TLL2: variants seen among roughly 807,000 people sequenced by gnomAD.
The protein encoded by TLL2 is tolloid like 2, also known as tolloid-like protein 2.
A neutral mutation model predicts 123.0 loss-of-function variants in TLL2; 106 were observed. The observed-to-expected ratio is 0.86, with a 90% CI of 0.74 to 1.01. The LOEUF (loss-of-function observed/expected upper bound fraction) is 1.01, where lower values mean the gene tolerates loss of function less well. Ranked by LOEUF, TLL2 falls within the 50% of genes least tolerant of loss-of-function variation. The pLI is 0.00. For missense variants in TLL2, 1,332 were observed against 1,336.7 expected (o/e 1.00, Z 0.06); for synonymous variants, 494 against 516.8 (o/e 0.96, Z 0.60).
intron 1 of TLL2, among the ~76,000 whole-genome samples, chr10:96,485,880 T>C (rs1001828510): frequency 6.6e-6 from 1 of 152,044 alleles, no homozygotes; most frequent in Non-Finnish European, 1.5e-5. Flanking sequence ...GCGCCATTTT[T>C]CCCCCAAAGA....
At chr10:96,388,975 C>T (rs1846261158) in intron 13 of TLL2, among the ~76,000 whole-genome samples, 1 of 152,196 alleles carries the variant, frequency 6.6e-6, no homozygotes, top group Non-Finnish European at 1.5e-5. Flanking sequence ...TGCCCATCGC[C>T]TCAAATAAAT....
intron 2 of TLL2, among the ~76,000 whole-genome samples, chr10:96,468,613 A>G (rs971996658): frequency 6.6e-6 from 1 of 152,210 alleles, no homozygotes; most frequent in African/African-American, 2.4e-5. Context: ...CTAGAACGTC[A>G]GGTACTAAAC....
At position 96,413,271 on chromosome 10, in the gene TLL2, G is replaced by A. The variant is rs748603556; in HGVS notation, c.969C>T (p.Gly323=). 18 of 1,613,962 alleles carry A rather than the reference G, an allele frequency of 1.1e-5. No homozygotes were observed. The East Asian group carries it at 1.3e-4, about 12-fold the overall frequency. ...CGCGCTGGCCAATGGTTGGCCTGAC[G>A]CCATTGTCATCTTGACGGGGAAGGA... is the stretch of plus-strand genomic sequence containing the variant. ...DTILPRQDDN[G]VRPTIGQRVR... Residue 323 remains glycine (G), a synonymous_variant, in exon 8 of 21, where the codon GGC becomes GGT. Transcript: ENST00000357947.
At chr10:96,494,401 T>TG (rs779323980) in intron 1 of TLL2, among the ~76,000 whole-genome samples, 26 of 152,330 alleles carry the variant, frequency 1.7e-4, no homozygotes, top group Middle Eastern at 3.4e-3. Flanking sequence ...GGCAGCCCCC[T>TG]GACCTTCCTG....
In TLL2 at chr10:96,455,962, G is replaced by A. The variant is rs141179348; in HGVS notation, c.287-9794C>T. Among the ~76,000 whole-genome samples, 113 of 152,340 alleles carry A rather than the reference G, an allele frequency of 7.4e-4. No homozygotes were observed. The Middle Eastern group carries it at 0.014, about 18-fold the overall frequency. On this transcript the variant is annotated intron_variant, in intron 2 of 20. Transcript: ENST00000357947. ...TAGAGCTTCACTGAGGAAACTGACC[G>A]TGTTTATTGGTTATTTTGTATGTGC...
intron 1 of TLL2, among the ~76,000 whole-genome samples, chr10:96,494,698 C>A (rs1847453813): frequency 6.6e-6 from 1 of 152,258 alleles, no homozygotes; most frequent in South Asian, 2.1e-4. Context: ...GAGACGAGGT[C>A]TGCATCTCCA....
At chr10:96,471,710 G>C (rs917459968) in intron 2 of TLL2, among the ~76,000 whole-genome samples, 1 of 152,146 alleles carries the variant, frequency 6.6e-6, no homozygotes, top group African/African-American at 2.4e-5. Context: ...TACAGAGCCA[G>C]AGACGCAAAC....
intron 2 of TLL2, among the ~76,000 whole-genome samples, chr10:96,453,119 C>T (rs1051206400): frequency 6.6e-6 from 1 of 152,122 alleles, no homozygotes; most frequent in African/African-American, 2.4e-5. Context: ...AAATTGGTAA[C>T]ACTTCATGAG....
In TLL2 at chr10:96,367,923, T is replaced by G; in HGVS notation, c.*165A>C. 1.2e-6 allele frequency: 1 copy of G among 844,042 alleles called. No individual in the cohort carries two copies. The highest frequency in any genetic ancestry group is 1.8e-6 in the Non-Finnish European group (1 of 569,698). 52.3% of individuals were successfully genotyped at this position (844,042 alleles called of 1,614,324 possible). On this transcript the variant is annotated 3_prime_UTR_variant, in exon 21 of 21. Transcript: ENST00000357947. ...TTCTCTCCACCTTGTTGGCCAAACT[T>G]ACAAGACTTTCATTCAAATATATAC... is the stretch of plus-strand genomic sequence containing the variant.
chr10:96,443,116 G>T (rs1376875779), intron 3 of TLL2, among the ~76,000 whole-genome samples: 1 of 152,156 alleles, frequency 6.6e-6, no homozygotes. Flanking sequence ...AATATCTATT[G>T]CTGGGGAGCA....
intron 2 of TLL2, among the ~76,000 whole-genome samples, chr10:96,462,094 G>A (rs1270024387): frequency 6.6e-6 from 1 of 152,166 alleles, no homozygotes; most frequent in Non-Finnish European, 1.5e-5. Context: ...GCATCTGTGT[G>A]GGCCATTATT....
chr10:96,439,063 T>TA (rs1846824610), intron 3 of TLL2, among the ~76,000 whole-genome samples: 1 of 94,336 alleles, frequency 1.1e-5, no homozygotes, highest in East Asian at 3.2e-4. Context: ...TTGCTAATTT[T>TA]TTTAAGGATT....
At chr10:96,373,048 G>C (rs1011951803) in intron 19 of TLL2, 3 of 152,292 alleles carry the variant, frequency 2.0e-5, no homozygotes, top group Non-Finnish European at 4.4e-5. Context: ...GGAAAAAATG[G>C]GGCACTAACA....
chr10:96,428,744 G>A lies in TLL2; in HGVS notation c.525C>T (p.Ser175=). The change falls in exon 5 of 21, where the codon AGC becomes AGT. Residue 175 remains serine, a synonymous_variant. Coordinates refer to ENST00000357947, the MANE Select transcript of TLL2 (RefSeq NM_012465.4). ...TGGCCTGCTTAAAAATGGCCCTCTG[G>A]CTCCCTGAAACAACAGGGCAAGCAC... The part of the protein sequence containing the change: ...PYVIGGNFTG[S]QRAIFKQAMR... 6 of 1,609,622 alleles carry A rather than the reference G, an allele frequency of 3.7e-6. No individual in the cohort carries two copies. Among genetic ancestry groups the A allele is most frequent in the Non-Finnish European group, 4.2e-6 (5 of 1,177,050 alleles).
At chr10:96,450,644 G>A (rs1356362828) in intron 2 of TLL2, among the ~76,000 whole-genome samples, 2 of 152,098 alleles carry the variant, frequency 1.3e-5, no homozygotes, top group Non-Finnish European at 2.9e-5. Flanking sequence ...GTCTCACATC[G>A]AAATCGATGA....
intron 9 of TLL2, among the ~76,000 whole-genome samples, chr10:96,407,866 TGC>T (rs59944099): frequency 0.11 from 16,693 of 152,274 alleles, 1,228 homozygotes; most frequent in African/African-American, 0.21. Context: ...TGCATGTGTG[TGC>T]GCACACGTGT....
rs1016711857 is a variant in TLL2, at chr10:96,513,878, C to G, written c.-193G>C. 3.8e-5 allele frequency: 22 copies of G among 578,406 alleles called. No individual in the cohort carries two copies. The South Asian group carries it at 5.7e-4, about 15-fold the overall frequency. The allele number at this position is 578,406 out of a possible 1,614,324, so 35.8% of individuals were successfully genotyped here. Reference sequence around the variant, plus strand: ...TTCGTCGAGGCAACCGGGAAGCAGCCGCTCGGAGCTACTTGCCCGGCGGCC... The same window carrying G: ...TTCGTCGAGGCAACCGGGAAGCAGCGGCTCGGAGCTACTTGCCCGGCGGCC... On this transcript the variant is annotated 5_prime_UTR_variant, in exon 1 of 21. Coordinates refer to ENST00000357947, the MANE Select transcript of TLL2 (RefSeq NM_012465.4).
At chr10:96,485,646 T>A (rs1847348550) in intron 1 of TLL2, among the ~76,000 whole-genome samples, 1 of 152,218 alleles carries the variant, frequency 6.6e-6, no homozygotes, top group East Asian at 1.9e-4. Flanking sequence ...TAAAAAGTGT[T>A]GACTGAATAC....
chr10:96,388,112 T>C (rs1489511369), intron 13 of TLL2, among the ~76,000 whole-genome samples: 1 of 152,030 alleles, frequency 6.6e-6, no homozygotes, highest in Admixed American at 6.6e-5. Context: ...ACAGTAAGTA[T>C]AAAGTTGTTG....
Sources: allele counts gnomAD v4.1 joint callset (sites outside exome capture counted in the v4.1 genomes callset), GRCh38; gene constraint gnomAD v4.1.1; transcripts MANE v1.5; gene names NCBI Gene and HGNC (gene_info 2026-07-23, HGNC 2026-07-21).